The following UBE2L3 variants were observed in gnomAD, a reference collection of about 807,000 sequenced individuals.
UBE2L3 encodes ubiquitin-conjugating enzyme E2 L3.
UBE2L3 carries 1 observed loss-of-function variant against 17.8 expected under a neutral mutation model. The ratio of observed to expected loss-of-function variants is 0.06; its 90% CI spans 0.02 to 0.27. The LOEUF (loss-of-function observed/expected upper bound fraction) is 0.27, where lower values mean the gene tolerates loss of function less well. UBE2L3 is among the 10% of genes least tolerant of loss of function. The pLI is 1.00. For missense variants in UBE2L3, 40 were observed against 192.6 expected (o/e 0.21, Z 4.69); for synonymous variants, 44 against 68.5 (o/e 0.64, Z 1.76).
chr22:21,588,463 C>CTT (rs1255043408), intron 1 of UBE2L3, among the ~76,000 whole-genome samples: 1,255 of 103,262 alleles, frequency 0.012, 43 homozygotes, highest in African/African-American at 0.034. Flanking sequence ...TTTCTTCTTT[C>CTT]TTTTTTTTTT....
At chr22:21,605,332 C>G (rs980432266) in intron 2 of UBE2L3, among the ~76,000 whole-genome samples, 2 of 152,148 alleles carry the variant, frequency 1.3e-5, no homozygotes, top group Non-Finnish European at 2.9e-5. Context: ...GTTCTCATGC[C>G]TCAGCCTCCT....
chr22:21,589,212 C>T (rs572373877), intron 1 of UBE2L3, among the ~76,000 whole-genome samples: 11 of 140,886 alleles, frequency 7.8e-5, no homozygotes, highest in African/African-American at 2.9e-4. Flanking sequence ...GTGGCGCAAT[C>T]TTGGCTGACT....
intron 1 of UBE2L3, among the ~76,000 whole-genome samples, chr22:21,577,454 GGTGGCT>G: frequency 6.6e-6 from 1 of 152,292 alleles, no homozygotes; most frequent in South Asian, 2.1e-4. Context: ...AGTTGCTTCT[GGTGGCT>G]GTGTAGTTTC....
At chr22:21,607,550 GCT>G (rs1929244710) in intron 2 of UBE2L3, among the ~76,000 whole-genome samples, 1 of 151,268 alleles carries the variant, frequency 6.6e-6, no homozygotes, top group Non-Finnish European at 1.5e-5. Flanking sequence ...TTGTTCTTGG[GCT>G]CTCTGTGAAG....
intron 1 of UBE2L3, among the ~76,000 whole-genome samples, chr22:21,586,293 C>A (rs1431800467): frequency 2.0e-5 from 3 of 152,000 alleles, no homozygotes; most frequent in Admixed American, 6.6e-5. Flanking sequence ...GAGTCTCACT[C>A]TGGGAGTCTG....
intron 2 of UBE2L3, among the ~76,000 whole-genome samples, chr22:21,609,019 T>C (rs1411987086): frequency 6.6e-6 from 1 of 151,940 alleles, no homozygotes; most frequent in Non-Finnish European, 1.5e-5. Flanking sequence ...CTCAGCCTCC[T>C]GAGTAGCTGG....
At chr22:21,581,856 A>C (rs1221608678) in intron 1 of UBE2L3, among the ~76,000 whole-genome samples, 1 of 151,906 alleles carries the variant, frequency 6.6e-6, no homozygotes, top group African/African-American at 2.4e-5. Flanking sequence ...TCATGCCTAT[A>C]ATCCCACCAC....
chr22:21,586,875 C>CTTT (rs34463645), intron 1 of UBE2L3, among the ~76,000 whole-genome samples: 3 of 118,936 alleles, frequency 2.5e-5, no homozygotes, highest in Admixed American at 9.3e-5. Flanking sequence ...TGTGCCCGGC[C>CTTT]TTTTTTTTTT....
At chr22:21,571,667 G>T (rs1310485821) in intron 1 of UBE2L3, among the ~76,000 whole-genome samples, 1 of 152,202 alleles carries the variant, frequency 6.6e-6, no homozygotes, top group African/African-American at 2.4e-5. Flanking sequence ...CTCCCGAAGT[G>T]CTGGGATTAC....
At chr22:21,607,514 T>TAAAAA (rs758366095) in intron 2 of UBE2L3, among the ~76,000 whole-genome samples, 2 of 108,978 alleles carry the variant, frequency 1.8e-5, no homozygotes, top group Non-Finnish European at 3.7e-5. Flanking sequence ...GACTCCGTCT[T>TAAAAA]AAAAAAAAAA....
intron 2 of UBE2L3, among the ~76,000 whole-genome samples, chr22:21,608,449 A>ACAG (rs1929292264): frequency 3.3e-5 from 5 of 152,044 alleles, no homozygotes; most frequent in Non-Finnish European, 5.9e-5. Context: ...TTTGAGATGG[A>ACAG]ATCTTGCTCT....
chr22:21,593,304 A>T (rs539447382), intron 2 of UBE2L3, among the ~76,000 whole-genome samples: 15 of 152,244 alleles, frequency 9.9e-5, no homozygotes, highest in Admixed American at 6.5e-4. Context: ...GGGGACAAGC[A>T]TTCCCCTCTA....
intron 1 of UBE2L3, among the ~76,000 whole-genome samples, chr22:21,572,794 G>A (rs1303974888): frequency 1.3e-5 from 2 of 152,060 alleles, no homozygotes; most frequent in African/African-American, 2.4e-5. Context: ...CTCCTCCTGT[G>A]ACTCTCTCCC....
intron 3 of UBE2L3, among the ~76,000 whole-genome samples, chr22:21,614,312 G>A (rs1337640656): frequency 2.6e-5 from 4 of 152,058 alleles, no homozygotes; most frequent in South Asian, 2.1e-4. Context: ...ACCTGAGGCC[G>A]GGCACAGTGG....
At position 21,621,593 on chromosome 22, in the gene UBE2L3, C is replaced by A; in HGVS notation, c.389C>A (p.Ser130Tyr). The A allele has an allele frequency of 6.2e-7, 1 of 1,611,452 alleles. No individual in the cohort carries two copies. Among genetic ancestry groups the A allele is most frequent in the African/African-American group, 1.3e-5 (1 of 74,856 alleles). The change falls in exon 4 of 4, where the codon TCT (serine) becomes TAT (tyrosine). Residue 130 changes from serine (S) to tyrosine (Y), a missense_variant. By Grantham distance (144) the Ser-to-Tyr change is moderately radical. Coordinates refer to ENST00000342192, the MANE Select transcript of UBE2L3 (RefSeq NM_003347.4). ...CGGGCTGACCTAGCTGAAGAATACTCTAAGGACCGTAAAAAATTCTGTAAG... is the reference window on the plus strand; with the variant it reads ...CGGGCTGACCTAGCTGAAGAATACTATAAGGACCGTAAAAAATTCTGTAAG... ...PLRADLAEEY[S>Y]KDRKKFCKNA...
At chr22:21,611,207 G>C (rs1486900832) in intron 3 of UBE2L3, among the ~76,000 whole-genome samples, 164 bp downstream of exon 3, 1 of 152,194 alleles carries the variant, frequency 6.6e-6, no homozygotes, top group Admixed American at 6.5e-5. Context: ...CATCTCAGCT[G>C]AACTTTTGAC....
chr22:21,621,207 G>A, intron 3 of UBE2L3, among the ~76,000 whole-genome samples: 1 of 152,190 alleles, frequency 6.6e-6, no homozygotes, highest in Non-Finnish European at 1.5e-5. Context: ...GGCTGGGAGT[G>A]ACTGAGGGCT....
intron 1 of UBE2L3, among the ~76,000 whole-genome samples, chr22:21,570,981 T>C (rs149048157): frequency 3.9e-4 from 59 of 152,364 alleles, no homozygotes; most frequent in Middle Eastern, 6.8e-3. Flanking sequence ...AAACACATTA[T>C]TAAAAGTAGA....
intron 1 of UBE2L3, among the ~76,000 whole-genome samples, chr22:21,586,091 A>C (rs1426615033): frequency 6.6e-6 from 1 of 151,780 alleles, no homozygotes; most frequent in Non-Finnish European, 1.5e-5. Context: ...ATACATCAAC[A>C]CACCTGGCTA....
Sources: allele counts gnomAD v4.1 joint callset (sites outside exome capture counted in the v4.1 genomes callset), GRCh38; gene constraint gnomAD v4.1.1; transcripts MANE v1.5; gene names NCBI Gene and HGNC (gene_info 2026-07-23, HGNC 2026-07-21).